The following SYN3 variants were observed in gnomAD, a reference collection of about 807,000 sequenced individuals.
The protein encoded by SYN3 is synapsin-3.
SYN3 carries 35 observed loss-of-function variants against 65.8 expected under a neutral mutation model. The observed-to-expected ratio is 0.53, with a 90% CI of 0.41 to 0.70. The LOEUF (loss-of-function observed/expected upper bound fraction) is 0.70. SYN3 is among the 30% of genes least tolerant of loss of function. The probability of loss-of-function intolerance (pLI) is 0.00; values close to 1 mark genes in which losing one functional copy is unlikely to be tolerated. For synonymous variants in SYN3, 270 were observed against 292.9 expected (o/e 0.92, Z 0.80); for missense variants, 680 against 749.0 (o/e 0.91, Z 1.08).
At chr22:32,581,710 A>G (rs944909444) in intron 7 of SYN3, among the ~76,000 whole-genome samples, 1 of 152,116 alleles carries the variant, frequency 6.6e-6, no homozygotes, top group Admixed American at 6.5e-5. Flanking sequence ...AATATTTAAA[A>G]ATAAGGAGTC....
Position 32,594,101 on chromosome 22 carries a change from G to A in SYN3, c.774+2573C>T, listed in dbSNP as rs376807740. On this transcript the variant is annotated intron_variant, in intron 7 of 13. Transcript: ENST00000358763. The stretch of plus-strand genomic sequence containing the variant: ...GGACAGCTTTAGTGGAGTGGAGGGG[G>A]CTGGAGCCATATGCAAGGATGGAAG... 4.6e-5 allele frequency among the ~76,000 whole-genome samples: 7 copies of A among 152,142 alleles called. No homozygotes were observed. In the East Asian group the frequency reaches 1.4e-3, roughly 29 times the overall value.
intron 6 of SYN3, among the ~76,000 whole-genome samples, chr22:32,673,798 T>C (rs1471109470): frequency 6.6e-6 from 1 of 152,156 alleles, no homozygotes; most frequent in Non-Finnish European, 1.5e-5. Flanking sequence ...GGTTTTACCA[T>C]ATGTAAGTTT....
At chr22:32,941,205 G>C (rs185734183) in intron 3 of SYN3, among the ~76,000 whole-genome samples, 1 of 152,138 alleles carries the variant, frequency 6.6e-6, no homozygotes, top group Non-Finnish European at 1.5e-5. Flanking sequence ...ATAAATGGAG[G>C]AGAAAGCACA....
intron 6 of SYN3, among the ~76,000 whole-genome samples, chr22:32,639,134 T>C (rs2059860186): frequency 1.3e-5 from 2 of 152,248 alleles, no homozygotes; most frequent in South Asian, 4.1e-4. Context: ...TTTGTATTTT[T>C]AGTAGAGACG....
intron 1 of SYN3, among the ~76,000 whole-genome samples, chr22:33,046,580 G>A (rs983517697): frequency 3.3e-5 from 5 of 151,086 alleles, no homozygotes; most frequent in Admixed American, 3.3e-4. Context: ...TTAGCTGGGC[G>A]AGGTGGAATC....
intron 3 of SYN3, among the ~76,000 whole-genome samples, chr22:32,962,129 C>CTCTTTTTTTTTTTTTTTTTTT (rs1164668712): frequency 9.3e-6 from 1 of 107,184 alleles, no homozygotes; most frequent in Non-Finnish European, 1.8e-5. Context: ...TTTAGAATCT[C>CTCTTTTTTTTTTTTTTTTTTT]TTTTTTTTTT....
intron 13 of SYN3, among the ~76,000 whole-genome samples, chr22:32,515,423 C>T (rs1170639079): frequency 2.0e-5 from 3 of 152,166 alleles, no homozygotes; most frequent in Non-Finnish European, 1.5e-5. Context: ...GAAATTGAAG[C>T]ACAGCGAGGT....
At chr22:32,542,436 A>ATG (rs925045832) in intron 7 of SYN3, among the ~76,000 whole-genome samples, 5 of 150,754 alleles carry the variant, frequency 3.3e-5, no homozygotes, top group Non-Finnish European at 7.4e-5. Context: ...GTGTATTCAT[A>ATG]TGTGTGTGTG....
At chr22:32,713,616 G>A (rs1291002855) in intron 6 of SYN3, among the ~76,000 whole-genome samples, 1 of 152,128 alleles carries the variant, frequency 6.6e-6, no homozygotes, top group Non-Finnish European at 1.5e-5. Flanking sequence ...GGATCACAAG[G>A]TCAGGAGATC....
chr22:32,650,582 C>A (rs1252956759), intron 6 of SYN3, among the ~76,000 whole-genome samples: 2 of 152,030 alleles, frequency 1.3e-5, no homozygotes, highest in Non-Finnish European at 2.9e-5. Context: ...TTTATTGGTC[C>A]TTTCAATCTT....
intron 7 of SYN3, among the ~76,000 whole-genome samples, chr22:32,569,555 C>CTATATA (rs1230609085): frequency 1.1e-4 from 12 of 109,718 alleles, no homozygotes; most frequent in South Asian, 3.7e-4. Flanking sequence ...CTCTCTCTCT[C>CTATATA]TCTCTCTCTC....
At chr22:32,848,174 TCTC>T (rs2048122554) in intron 6 of SYN3, among the ~76,000 whole-genome samples, 2 of 152,218 alleles carry the variant, frequency 1.3e-5, no homozygotes, top group Non-Finnish European at 2.9e-5. Context: ...AGTCAAGTCC[TCTC>T]CTCTTTCTGT....
At chr22:33,039,223 G>A (rs1377690125) in intron 1 of SYN3, among the ~76,000 whole-genome samples, 2 of 152,084 alleles carry the variant, frequency 1.3e-5, no homozygotes, top group African/African-American at 4.8e-5. Flanking sequence ...CGGGCAGTAC[G>A]GTGTGGAGCC....
At chr22:32,790,709 G>A (rs977984145) in intron 6 of SYN3, among the ~76,000 whole-genome samples, 9 of 152,126 alleles carry the variant, frequency 5.9e-5, no homozygotes. Flanking sequence ...TTACAGGTGT[G>A]AGCTACTGTG....
At chr22:32,621,641 C>T (rs1426426950) in intron 6 of SYN3, among the ~76,000 whole-genome samples, 1 of 152,168 alleles carries the variant, frequency 6.6e-6, no homozygotes, top group African/African-American at 2.4e-5. Context: ...GCGAGTGCTG[C>T]CTTTCCCAAA....
At chr22:32,889,569 C>T (rs562705257) in intron 4 of SYN3, among the ~76,000 whole-genome samples, 57 of 152,120 alleles carry the variant, frequency 3.7e-4, no homozygotes, top group Non-Finnish European at 6.2e-4. Context: ...AATGTTTACA[C>T]GTCAATGTGT....
intron 6 of SYN3, among the ~76,000 whole-genome samples, chr22:32,832,331 G>A (rs1309961134): frequency 6.6e-6 from 1 of 152,164 alleles, no homozygotes; most frequent in African/African-American, 2.4e-5. Flanking sequence ...AAAGTGATGG[G>A]ACTCTTAGAT....
At chr22:33,039,773 T>G (rs922588808) in intron 1 of SYN3, among the ~76,000 whole-genome samples, 3 of 152,174 alleles carry the variant, frequency 2.0e-5, no homozygotes, top group Non-Finnish European at 4.4e-5. Flanking sequence ...CTGTATTTTC[T>G]CTGTCATACC....
At chr22:32,967,292 C>T (rs1051122252) in intron 3 of SYN3, among the ~76,000 whole-genome samples, 1 of 152,156 alleles carries the variant, frequency 6.6e-6, no homozygotes, top group African/African-American at 2.4e-5. Flanking sequence ...AAAACGGGTC[C>T]AGTTTAGGTT....
Sources: allele counts gnomAD v4.1 joint callset (sites outside exome capture counted in the v4.1 genomes callset), GRCh38; gene constraint gnomAD v4.1.1; transcripts MANE v1.5; gene names NCBI Gene and HGNC (gene_info 2026-07-23, HGNC 2026-07-21).